PTPRQ: variants seen among roughly 807,000 people sequenced by gnomAD.
PTPRQ encodes protein tyrosine phosphatase receptor type Q, also known as phosphatidylinositol phosphatase PTPRQ.
Under a neutral mutation model 246.0 loss-of-function variants are expected in PTPRQ, and 199 were observed. The observed-to-expected ratio is 0.81, with a 90% CI of 0.72 to 0.91. The LOEUF is 0.91. Ranked by LOEUF, PTPRQ falls within the 40% of genes least tolerant of loss-of-function variation. The pLI, the probability that PTPRQ is intolerant of heterozygous loss-of-function variation, is 0.00. For synonymous variants in PTPRQ, 869 were observed against 853.2 expected (o/e 1.02, Z -0.32); for missense variants, 2,624 against 2,528.4 (o/e 1.04, Z -0.81).
In PTPRQ at chr12:80,622,049, T is replaced by C; in HGVS notation, c.5613-12T>C. The C allele has an allele frequency of 7.3e-7, 1 of 1,366,574 alleles. No homozygotes were observed. Among genetic ancestry groups the C allele is most frequent in the Non-Finnish European group, 9.6e-7 (1 of 1,036,994 alleles). 84.7% of individuals were successfully genotyped at this position (1,366,574 alleles called of 1,614,324 possible). On this transcript the variant is annotated splice_polypyrimidine_tract_variant and intron_variant, in intron 32 of 44. Coordinates refer to ENST00000644991, the MANE Select transcript of PTPRQ (RefSeq NM_001145026.2). The stretch of plus-strand genomic sequence containing the variant: ...TATGCAAAGTGTTGATTTTTCTTTT[T>C]TTATTTTATAGATTTAAATTTAGAG...
intron 23 of PTPRQ, among the ~76,000 whole-genome samples, chr12:80,543,315 T>A (rs1055408652): frequency 6.8e-6 from 1 of 147,392 alleles, no homozygotes; most frequent in Non-Finnish European, 1.5e-5. Flanking sequence ...CTACACTAAT[T>A]GGTCTTTTAC....
intron 8 of PTPRQ, among the ~76,000 whole-genome samples, chr12:80,478,406 T>C (rs1051924511): frequency 1.3e-5 from 2 of 151,272 alleles, no homozygotes; most frequent in Non-Finnish European, 2.9e-5. Flanking sequence ...AGACCAAAAG[T>C]AGATAAAACC....
intron 17 of PTPRQ, among the ~76,000 whole-genome samples, chr12:80,531,371 A>C (rs992903144): frequency 1.3e-5 from 2 of 152,196 alleles, no homozygotes; most frequent in African/African-American, 4.8e-5. Flanking sequence ...AGCTAATAAG[A>C]ATAAAACAGA....
intron 17 of PTPRQ, among the ~76,000 whole-genome samples, chr12:80,527,019 T>G (rs978476175): frequency 6.6e-6 from 1 of 152,172 alleles, no homozygotes; most frequent in Non-Finnish European, 1.5e-5. Context: ...ACTGATTATA[T>G]TTTAAAGCTT....
chr12:80,595,799 A>C (rs1252762757), intron 26 of PTPRQ, among the ~76,000 whole-genome samples: 4 of 145,006 alleles, frequency 2.8e-5, no homozygotes, highest in African/African-American at 5.1e-5. Context: ...CCTACCTATG[A>C]GAGAGAATAT....
At chr12:80,558,467 CTTT>C (rs57046212) in intron 25 of PTPRQ, among the ~76,000 whole-genome samples, 2 of 122,908 alleles carry the variant, frequency 1.6e-5, no homozygotes, top group Non-Finnish European at 3.4e-5. Context: ...TGCACCTGGC[CTTT>C]TTTTTTTTTT....
At chr12:80,660,000 G>A (rs73150800) in intron 39 of PTPRQ, among the ~76,000 whole-genome samples, 35 of 152,072 alleles carry the variant, frequency 2.3e-4, no homozygotes, top group Non-Finnish European at 2.8e-4. Context: ...TTCCACCTAC[G>A]TATTCCTACA....
chr12:80,661,631 A>G (rs1169076975), intron 39 of PTPRQ, among the ~76,000 whole-genome samples: 1 of 151,690 alleles, frequency 6.6e-6, no homozygotes, highest in Non-Finnish European at 1.5e-5. Flanking sequence ...AAAGCAATTG[A>G]GGGTGTTTGC....
At chr12:80,558,002 A>G (rs998324436) in intron 25 of PTPRQ, among the ~76,000 whole-genome samples, 2 of 151,876 alleles carry the variant, frequency 1.3e-5, no homozygotes, top group Non-Finnish European at 2.9e-5. Flanking sequence ...AAGACATTCA[A>G]CCAAGTTTTT....
chr12:80,506,528 T>C (rs767688342), intron 15 of PTPRQ, 41 bp from the exon 16 acceptor site: 71 of 1,399,184 alleles, frequency 5.1e-5, no homozygotes, highest in Non-Finnish European at 6.3e-5. Context: ...TATTAAATGA[T>C]ATTTTGTAAG....
At chr12:80,614,762 G>A (rs76522253) in intron 29 of PTPRQ, among the ~76,000 whole-genome samples, 2,354 of 149,778 alleles carry the variant, frequency 0.016, 66 homozygotes, top group African/African-American at 0.054. Context: ...TATCAAATCT[G>A]AGCCCAGTTT....
chr12:80,629,006 C>T (rs533446959), intron 33 of PTPRQ, among the ~76,000 whole-genome samples: 1 of 152,082 alleles, frequency 6.6e-6, no homozygotes, highest in Non-Finnish European at 1.5e-5. Flanking sequence ...GATCAAGTTT[C>T]CTGCCCATTT....
chr12:80,448,660 T>C (rs1034860662), intron 3 of PTPRQ, among the ~76,000 whole-genome samples: 1 of 150,064 alleles, frequency 6.7e-6, no homozygotes, highest in Non-Finnish European at 1.5e-5. Flanking sequence ...TTACTGAGAA[T>C]GATGATTTCC....
At chr12:80,559,944 C>T (rs916765297) in intron 25 of PTPRQ, among the ~76,000 whole-genome samples, 10 of 152,190 alleles carry the variant, frequency 6.6e-5, no homozygotes, top group Non-Finnish European at 1.0e-4. Context: ...TGTTCCTCAA[C>T]CTTGGGAACA....
intron 14 of PTPRQ, among the ~76,000 whole-genome samples, 170 bp from the exon 15 acceptor site, chr12:80,505,854 T>C (rs1305073276): frequency 1.3e-5 from 2 of 151,920 alleles, no homozygotes; most frequent in Admixed American, 1.3e-4. Context: ...TCTTATACAG[T>C]TGTAAGAACT....
chr12:80,468,558 T>C, intron 6 of PTPRQ, 152 bp from the exon 7 acceptor site: 1 of 716,364 alleles, frequency 1.4e-6, no homozygotes, highest in South Asian at 3.2e-5. Context: ...TCAATTATAT[T>C]CCATTTATTC....
chr12:80,613,486 T>C (rs1010526978), intron 28 of PTPRQ, 106 bp from the exon 29 acceptor site: 27 of 1,190,016 alleles, frequency 2.3e-5, no homozygotes, highest in Non-Finnish European at 3.0e-5. Context: ...ATGGTTTAAT[T>C]TGTGGAATAC....
chr12:80,640,380 C>A (rs1403088545), intron 35 of PTPRQ, among the ~76,000 whole-genome samples: 2 of 152,090 alleles, frequency 1.3e-5, no homozygotes, highest in African/African-American at 4.8e-5. Flanking sequence ...TTGACAAATT[C>A]TGTTCATATA....
chr12:80,677,893 C>CTT (rs138602540), intron 43 of PTPRQ, among the ~76,000 whole-genome samples: 1 of 148,572 alleles, frequency 6.7e-6, no homozygotes, highest in African/African-American at 2.5e-5. Flanking sequence ...TTGAAATATA[C>CTT]TTTTTTTTTT....
Sources: gnomAD v4.1 joint callset for allele counts (sites outside exome capture counted in the v4.1 genomes callset) on GRCh38, gnomAD v4.1.1 for gene constraint, MANE v1.5 for transcripts, NCBI Gene and HGNC (gene_info 2026-07-23, HGNC 2026-07-21) for gene names.